SEM1: variants seen among roughly 807,000 people sequenced by gnomAD.
SEM1 encodes the protein 26S proteasome complex subunit SEM1.
SEM1 carries 3 observed loss-of-function variants against 12.7 expected under a neutral mutation model. That is an observed-to-expected ratio of 0.24 (90% confidence interval 0.11 to 0.61). SEM1 has a LOEUF of 0.61. Ranked by LOEUF, SEM1 falls within the 20% of genes least tolerant of loss-of-function variation. The probability of loss-of-function intolerance (pLI) is 0.88; values close to 1 mark genes in which losing one functional copy is unlikely to be tolerated. For missense variants in SEM1, 59 were observed against 81.3 expected (o/e 0.73, Z 1.06); for synonymous variants, 30 against 27.8 (o/e 1.08, Z -0.25).
At chr7:96,544,364 C>T (rs1020568015) in intron 2 of SEM1, among the ~76,000 whole-genome samples, 12 of 151,836 alleles carry the variant, frequency 7.9e-5, no homozygotes, top group African/African-American at 2.7e-4. Flanking sequence ...TAATATCTAC[C>T]CTGCTTTTTT....
Position 96,487,744 on chromosome 7 carries a change from C to G in SEM1, c.13-1327G>C, listed in dbSNP as rs1802832874. Among the ~76,000 whole-genome samples, 2 of 150,120 alleles carry G rather than the reference C, an allele frequency of 1.3e-5. 1 individual carries two copies. The highest frequency in any genetic ancestry group is 5.1e-5 in the African/African-American group (2 of 39,464). On this transcript the variant is annotated intron_variant, in intron 1 of 3. Coordinates refer to the SEM1 transcript ENST00000356686. ...GAATCTGGGGATCTTTCCATGACAC[C>G]AGAGAGTCTCAATCTCCAGTGTACC... is the stretch of plus-strand genomic sequence containing the variant.
intron 2 of SEM1, among the ~76,000 whole-genome samples, chr7:96,628,685 TAC>T (rs749106018): frequency 1.2e-3 from 180 of 152,172 alleles, no homozygotes; most frequent in Non-Finnish European, 9.0e-4. Flanking sequence ...ACACCATAAT[TAC>T]AGTGTTACAA....
At chr7:96,681,225 G>A (rs1032975248) in intron 2 of SEM1, among the ~76,000 whole-genome samples, 1 of 152,124 alleles carries the variant, frequency 6.6e-6, no homozygotes. Flanking sequence ...TTTACAAGTA[G>A]TTTAGATTTT....
intron 2 of SEM1, among the ~76,000 whole-genome samples, chr7:96,595,637 T>C (rs1174496564): frequency 6.6e-6 from 1 of 152,170 alleles, no homozygotes; most frequent in Non-Finnish European, 1.5e-5. Flanking sequence ...GTTATTCTTC[T>C]TTGTTTTGTT....
At chr7:96,563,867 TA>T (rs997563798) in intron 2 of SEM1, among the ~76,000 whole-genome samples, 2 of 104,326 alleles carry the variant, frequency 1.9e-5, no homozygotes, top group Non-Finnish European at 4.9e-5. Flanking sequence ...ATAAATTCAG[TA>T]AAAAATTCAC....
At chr7:96,584,059 G>C (rs1392956899) in intron 2 of SEM1, among the ~76,000 whole-genome samples, 7 of 152,068 alleles carry the variant, frequency 4.6e-5, no homozygotes. Context: ...TTTCTTCCTA[G>C]TCTCGATGGC....
chr7:96,561,008 C>A (rs947424986), intron 2 of SEM1, among the ~76,000 whole-genome samples: 1 of 152,040 alleles, frequency 6.6e-6, no homozygotes, highest in African/African-American at 2.4e-5. Context: ...CCTCAAACTT[C>A]TGGGCTCAAG....
At chr7:96,496,356 T>G (rs1803260697), upstream of SEM1, 10 of 1,283,042 alleles carry the variant, frequency 7.8e-6, no homozygotes, top group African/African-American at 1.5e-5. Flanking sequence ...GTGAAATAAA[T>G]TAATTATTCA....
In SEM1 at chr7:96,603,910, G is replaced by A. The variant is rs555335936; in HGVS notation, c.170+90888C>T. Among the ~76,000 whole-genome samples, 5 of 150,464 alleles carry A rather than the reference G, an allele frequency of 3.3e-5. No homozygotes were observed. The South Asian group carries it at 6.3e-4, about 19-fold the overall frequency. ...GTTTTTTTTTTTTTAATATGGAGAC[G>A]CTTCAGGCCCAGCTACCATAAATTT... On this transcript the variant is annotated intron_variant and NMD_transcript_variant, in intron 2 of 3. Coordinates refer to the SEM1 transcript ENST00000466986.
exon 4 of SEM1, chr7:96,483,834 T>G: frequency 6.5e-7 from 1 of 1,536,362 alleles, no homozygotes; most frequent in Non-Finnish European, 8.7e-7. Context: ...ATGACCAGAC[T>G]TCCATCTCTG....
intron 2 of SEM1, among the ~76,000 whole-genome samples, chr7:96,554,953 CT>C (rs1805431361): frequency 8.2e-6 from 1 of 121,902 alleles, no homozygotes; most frequent in African/African-American, 2.7e-5. Context: ...GAAATTTATC[CT>C]TTTCTTCTAG....
chr7:96,493,245 C>T (rs745615422), intron 1 of SEM1, among the ~76,000 whole-genome samples: 14 of 152,238 alleles, frequency 9.2e-5, no homozygotes, highest in African/African-American at 2.9e-4. Flanking sequence ...TGAGCCACCA[C>T]GCCTGGCCTA....
At chr7:96,703,897 C>T (rs1554437164) in intron 1 of SEM1, among the ~76,000 whole-genome samples, 1 of 150,754 alleles carries the variant, frequency 6.6e-6, no homozygotes, top group African/African-American at 2.4e-5. Flanking sequence ...AGTTCAAGGC[C>T]GTAATAATCT....
intron 2 of SEM1, among the ~76,000 whole-genome samples, chr7:96,559,493 G>C (rs929966270): frequency 6.6e-6 from 1 of 152,216 alleles, no homozygotes; most frequent in South Asian, 2.1e-4. Flanking sequence ...ATGTTGCCCA[G>C]GCTGGTCTTG....
intron 2 of SEM1, among the ~76,000 whole-genome samples, chr7:96,569,299 A>C (rs1195848446): frequency 6.6e-6 from 1 of 152,002 alleles, no homozygotes; most frequent in Non-Finnish European, 1.5e-5. Context: ...TGAAAAGAAA[A>C]ACCGTGAAGG....
chr7:96,534,705 C>T (rs1804737619), intron 2 of SEM1, among the ~76,000 whole-genome samples: 1 of 152,034 alleles, frequency 6.6e-6, no homozygotes, highest in Non-Finnish European at 1.5e-5. Flanking sequence ...TCAATCAAAA[C>T]AACGTATCGC....
intron 2 of SEM1, among the ~76,000 whole-genome samples, chr7:96,533,522 C>T (rs1221013411): frequency 2.0e-5 from 3 of 151,978 alleles, no homozygotes; most frequent in Non-Finnish European, 4.4e-5. Flanking sequence ...TTTTTCTTAG[C>T]TTCTCCATTC....
intron 2 of SEM1, among the ~76,000 whole-genome samples, chr7:96,599,177 T>C (rs968359170): frequency 6.6e-6 from 1 of 152,106 alleles, no homozygotes; most frequent in Non-Finnish European, 1.5e-5. Context: ...CTTTATCAGG[T>C]GTGGAGTGCT....
intron 2 of SEM1, among the ~76,000 whole-genome samples, chr7:96,589,282 G>A (rs1344936800): frequency 6.6e-6 from 1 of 152,114 alleles, no homozygotes; most frequent in Non-Finnish European, 1.5e-5. Flanking sequence ...CCCTCCAGGT[G>A]GTTCTGGTAC....
Sources: allele counts gnomAD v4.1 joint callset (sites outside exome capture counted in the v4.1 genomes callset), GRCh38; gene constraint gnomAD v4.1.1; transcripts MANE v1.5; gene names NCBI Gene and HGNC (gene_info 2026-07-23, HGNC 2026-07-21).